Variants in ZNF605 observed in about 807,000 individuals in gnomAD.
ZNF605 encodes zinc finger protein 605.
In ZNF605, 9 loss-of-function variants were observed where a neutral mutation model predicts 7.9. The ratio of observed to expected loss-of-function variants is 1.14; its 90% CI spans 0.68 to 1.98. ZNF605 has a LOEUF of 1.98. ZNF605 is among the 30% of genes most tolerant of loss of function. The pLI is 0.00. For missense variants in ZNF605, 673 were observed against 762.4 expected (o/e 0.88, Z 1.38); for synonymous variants, 255 against 260.1 (o/e 0.98, Z 0.19).
chr12:132,930,306 T>C (rs1952294530), intron 4 of ZNF605, among the ~76,000 whole-genome samples: 1 of 152,224 alleles, frequency 6.6e-6, no homozygotes, highest in East Asian at 1.9e-4. Context: ...AGCACTGGGA[T>C]TACAGGCATG....
chr12:132,949,019 TG>T (rs1238357313), intron 1 of ZNF605, among the ~76,000 whole-genome samples: 3 of 151,874 alleles, frequency 2.0e-5, no homozygotes. Flanking sequence ...TGGTATCTGT[TG>T]GGGGAAAGGC....
intron 3 of ZNF605, chr12:132,945,415 A>C (rs1298354819): frequency 1.4e-6 from 2 of 1,379,374 alleles, no homozygotes; most frequent in Non-Finnish European, 2.0e-6. Flanking sequence ...ACAGAGGATA[A>C]ACCGATAACC....
At chr12:132,948,710 T>C (rs770991) in intron 1 of ZNF605, 106,494 of 152,204 alleles carry the variant, frequency 0.7, 37,784 homozygotes, top group Middle Eastern at 0.75. Flanking sequence ...TATTAGCAAA[T>C]GGCCGGGTTT....
At chr12:132,950,244 A>G (rs1952542949) in intron 1 of ZNF605, among the ~76,000 whole-genome samples, 1 of 152,110 alleles carries the variant, frequency 6.6e-6, no homozygotes. Context: ...CAAAGGGAAC[A>G]TCTTGTCGTC....
intron 2 of ZNF605, among the ~76,000 whole-genome samples, chr12:132,946,777 T>A (rs1254464901): frequency 6.6e-6 from 1 of 152,152 alleles, no homozygotes; most frequent in Non-Finnish European, 1.5e-5. Context: ...AGGTCTACCC[T>A]CTGTCCTGGG....
chr12:132,945,643 T>C lies in ZNF605; in HGVS notation c.-8A>G. On this transcript the variant is annotated 5_prime_UTR_variant, in exon 3 of 5. Transcript: ENST00000360187. ...CACCTGTGACTGGATCATTTTCCGCTGCTCTTGGGAAATCTGCTGTTTTGT... is the reference window on the plus strand; with the variant it reads ...CACCTGTGACTGGATCATTTTCCGCCGCTCTTGGGAAATCTGCTGTTTTGT... 1 of 1,614,234 alleles carries C rather than the reference T, an allele frequency of 6.2e-7. No individual in the cohort carries two copies. Among genetic ancestry groups the C allele is most frequent in the Non-Finnish European group, 8.5e-7 (1 of 1,180,050 alleles).
At chr12:132,938,821 T>TGGGCTTGGTGGGCGC (rs2137143167) in intron 3 of ZNF605, among the ~76,000 whole-genome samples, 1 of 152,006 alleles carries the variant, frequency 6.6e-6, no homozygotes, top group South Asian at 2.1e-4. Flanking sequence ...CGGGTGGGCG[T>TGGGCTTGGTGGGCGC]GGGCTTGGTG....
chr12:132,955,282 AC>A (rs1952624904), intron 1 of ZNF605, among the ~76,000 whole-genome samples: 1 of 152,182 alleles, frequency 6.6e-6, no homozygotes, highest in Admixed American at 6.5e-5. Flanking sequence ...AGTGCGGGCG[AC>A]CAGACAGCAG....
rs1952226475 is a variant in ZNF605, at chr12:132,924,185, C to A, written c.*1188G>T. 6.6e-6 allele frequency: 1 copy of A among 152,132 alleles called. No homozygotes were observed. Among genetic ancestry groups the A allele is most frequent in the Non-Finnish European group, 1.5e-5 (1 of 68,026 alleles). 9.4% of individuals were successfully genotyped at this position (152,132 alleles called of 1,614,324 possible). A position where few individuals can be genotyped will look rare whatever the true frequency, so the allele number is the denominator to read the frequency against. On this transcript the variant is annotated 3_prime_UTR_variant, in exon 5 of 5. Transcript: ENST00000360187. ...CCTGGTTATAAGTCATATTTTATTG[C>A]TTCTTTGCATAACACATTAGTTTTT...
At chr12:132,937,478 A>C (rs1952380238) in intron 3 of ZNF605, among the ~76,000 whole-genome samples, 1 of 152,048 alleles carries the variant, frequency 6.6e-6, no homozygotes, top group Non-Finnish European at 1.5e-5. Flanking sequence ...ACTACTATGT[A>C]CTTATTAGAA....
At chr12:132,953,539 G>C (rs1206498776) in intron 1 of ZNF605, among the ~76,000 whole-genome samples, 1 of 152,172 alleles carries the variant, frequency 6.6e-6, no homozygotes, top group Non-Finnish European at 1.5e-5. Context: ...CAATTCTCCT[G>C]CCTCAGCCTC....
chr12:132,954,449 AG>A (rs1952612541), intron 1 of ZNF605, among the ~76,000 whole-genome samples: 1 of 2,212 alleles, frequency 4.5e-4, no homozygotes, highest in Admixed American at 5.9e-3. Flanking sequence ...TAGGGAGGGG[AG>A]GAGAAGGGTG....
intron 4 of ZNF605, among the ~76,000 whole-genome samples, chr12:132,929,375 A>AC (rs1952283010): frequency 6.6e-6 from 1 of 152,118 alleles, no homozygotes; most frequent in Non-Finnish European, 1.5e-5. Flanking sequence ...ACTGAGTGAG[A>AC]CCCCATCTCA....
At chr12:132,931,635 G>A (rs1338072718) in intron 4 of ZNF605, among the ~76,000 whole-genome samples, 1 of 152,170 alleles carries the variant, frequency 6.6e-6, no homozygotes, top group Non-Finnish European at 1.5e-5. Context: ...TGACTCTTGA[G>A]CACAAATCTA....
At chr12:132,927,209 T>C (rs1952255813) in intron 4 of ZNF605, 47 bp from the exon 5 acceptor site, 2 of 1,367,136 alleles carry the variant, frequency 1.5e-6, no homozygotes, top group Admixed American at 5.2e-5. Context: ...CCTTCAATTA[T>C]TATGCTTATT....
chr12:132,951,496 TAC>T (rs1374627834), intron 1 of ZNF605, among the ~76,000 whole-genome samples: 205 of 149,106 alleles, frequency 1.4e-3, no homozygotes, highest in South Asian at 5.3e-3. Flanking sequence ...ACATCACATA[TAC>T]ACACACACGT....
chr12:132,941,079 A>G lies in ZNF605; in HGVS notation c.15+4542T>C, dbSNP rs1593594630. 6.6e-6 allele frequency among the ~76,000 whole-genome samples: 1 copy of G among 152,138 alleles called. No individual in the cohort carries two copies. The highest frequency in any genetic ancestry group is 2.4e-5 in the African/African-American group (1 of 41,426). On this transcript the variant is annotated intron_variant, in intron 3 of 4. Transcript: ENST00000360187. This position sits in a 1 kb window ranked among gnomAD's most constrained non-coding sequence, Gnocchi z 5.1. ...CATTTTGTTACCCATACGGGTGCTC[A>G]CCAAAAAGACTCCAGTGCTGACCCA...
Position 132,925,743 on chromosome 12 carries a change from T to C in ZNF605, c.1556A>G (p.Gln519Arg), listed in dbSNP as rs1952240456. 6.2e-7 allele frequency: 1 copy of C among 1,613,992 alleles called. No homozygotes were observed. Among genetic ancestry groups the C allele is most frequent in the Non-Finnish European group, 8.5e-7 (1 of 1,179,900 alleles). ...ATGAATTCTCTGATGCCTAAGAAGCTGTGGCTTCCAGGCAAAAGCTTTCCT... is the reference window on the plus strand; with the variant it reads ...ATGAATTCTCTGATGCCTAAGAAGCCGTGGCTTCCAGGCAAAAGCTTTCCT... The part of the protein sequence containing the change: ...ECRKAFAWKP[Q>R]LLRHQRIHTG... The change falls in exon 5 of 5, where the codon CAG becomes CGG. Residue 519 changes from glutamine to arginine, a missense_variant. Physicochemically the swap from Gln to Arg is conservative, Grantham distance 43. Coordinates refer to ENST00000360187, the MANE Select transcript of ZNF605 (RefSeq NM_183238.4).
At chr12:132,947,678 C>T (rs1303626182) in intron 2 of ZNF605, among the ~76,000 whole-genome samples, 1 of 152,034 alleles carries the variant, frequency 6.6e-6, no homozygotes, top group Non-Finnish European at 1.5e-5. Flanking sequence ...AAGAGGTCTT[C>T]TGGGTTGGCA....
Sources: gnomAD v4.1 joint callset for allele counts (sites outside exome capture counted in the v4.1 genomes callset) on GRCh38, gnomAD v4.1.1 for gene constraint, Gnocchi (gnomAD v3.1) non-coding constraint, MANE v1.5 for transcripts, NCBI Gene and HGNC (gene_info 2026-07-23, HGNC 2026-07-21) for gene names.